The following RETREG1 variants were observed in gnomAD, a reference collection of about 807,000 sequenced individuals.
The protein encoded by RETREG1 is family with sequence similarity 134 member B.
Under a neutral mutation model 54.8 loss-of-function variants are expected in RETREG1, and 44 were observed. The ratio of observed to expected loss-of-function variants is 0.80; its 90% confidence interval spans 0.63 to 1.03. The LOEUF (loss-of-function observed/expected upper bound fraction) is 1.03. RETREG1 is among the 50% of genes least tolerant of loss of function. The pLI is 0.00. For missense variants in RETREG1, 554 were observed against 605.1 expected (o/e 0.92, Z 0.89); for synonymous variants, 217 against 238.5 (o/e 0.91, Z 0.83).
intron 1 of RETREG1, among the ~76,000 whole-genome samples, chr5:16,595,568 C>A (rs1742877828): frequency 6.6e-6 from 1 of 152,174 alleles, no homozygotes; most frequent in Non-Finnish European, 1.5e-5. Flanking sequence ...GCCAAAAATT[C>A]TTCCTATGAA....
intron 3 of RETREG1, among the ~76,000 whole-genome samples, chr5:16,506,192 G>A (rs1350470407): frequency 6.6e-6 from 1 of 152,176 alleles, no homozygotes; most frequent in Non-Finnish European, 1.5e-5. Flanking sequence ...GGCTTCCACT[G>A]ATTTTTTTAA....
chr5:16,562,189 C>G (rs1187747233), intron 3 of RETREG1, among the ~76,000 whole-genome samples: 1 of 152,162 alleles, frequency 6.6e-6, no homozygotes, highest in East Asian at 1.9e-4. Context: ...GTGGCACATG[C>G]TTATAATCCC....
intron 3 of RETREG1, among the ~76,000 whole-genome samples, chr5:16,498,467 C>A (rs558425269): frequency 7.9e-5 from 12 of 152,322 alleles, no homozygotes; most frequent in Admixed American, 1.3e-4. Flanking sequence ...AATCCCAATA[C>A]TTTGGGAAGT....
chr5:16,594,656 C>T lies in RETREG1; in HGVS notation c.320+21996G>A, dbSNP rs1742851758. On this transcript the variant is annotated intron_variant, in intron 1 of 8. Coordinates refer to ENST00000306320, the MANE Select transcript of RETREG1 (RefSeq NM_001034850.3). This position sits in a 1 kb window ranked among gnomAD's most constrained non-coding sequence, Gnocchi z 4.4. ...AGGAAAATCGCTTGAATCCAGGAGG[C>T]GGAGACTGCAGTAAGCCAAGATTGC... Among the ~76,000 whole-genome samples the T allele has an allele frequency of 6.6e-6, 1 of 152,066 alleles. No homozygotes were observed. The highest frequency in any genetic ancestry group is 2.4e-5 in the African/African-American group (1 of 41,400).
chr5:16,515,478 A>G (rs1047662305), intron 3 of RETREG1, among the ~76,000 whole-genome samples: 59 of 152,254 alleles, frequency 3.9e-4, no homozygotes, highest in African/African-American at 1.3e-3. Flanking sequence ...TATACGTTTC[A>G]CATTATAGAA....
At chr5:16,577,688 T>C (rs1742365967) in intron 1 of RETREG1, among the ~76,000 whole-genome samples, 1 of 152,174 alleles carries the variant, frequency 6.6e-6, no homozygotes, top group African/African-American at 2.4e-5. Flanking sequence ...TCTTGAATTG[T>C]AGCTCTCCTA....
intron 1 of RETREG1, among the ~76,000 whole-genome samples, chr5:16,612,155 A>G (rs896241008): frequency 5.9e-5 from 9 of 152,176 alleles, no homozygotes; most frequent in Non-Finnish European, 1.2e-4. Context: ...CAACAGTGAC[A>G]GAAACAGATC....
At chr5:16,508,504 A>G in intron 3 of RETREG1, 2 of 1,357,896 alleles carry the variant, frequency 1.5e-6, no homozygotes, top group Non-Finnish European at 2.1e-6. Flanking sequence ...TAAATTAGTC[A>G]TAATATTTTT....
chr5:16,574,295 C>T (rs1742268853), intron 1 of RETREG1, among the ~76,000 whole-genome samples: 1 of 152,054 alleles, frequency 6.6e-6, no homozygotes. Context: ...CTGTGTCAAG[C>T]AGAATGCGCA....
chr5:16,594,108 C>CA lies in RETREG1; in HGVS notation c.321-22007dup, dbSNP rs1462717412. Among the ~76,000 whole-genome samples, 4 of 152,204 alleles carry CA rather than the reference C, an allele frequency of 2.6e-5. No homozygotes were observed. Among genetic ancestry groups the CA allele is most frequent in the African/African-American group, 9.7e-5 (4 of 41,448 alleles). Reference sequence around the variant, plus strand: ...TAAGATACAACTTGTCTGTACCAGGCAAAACCTACACACAGCAGAGATTTG... The same window carrying CA: ...TAAGATACAACTTGTCTGTACCAGGCAAAAACCTACACACAGCAGAGATTTG... On this transcript the variant is annotated intron_variant, in intron 1 of 8. Coordinates refer to ENST00000306320, the MANE Select transcript of RETREG1 (RefSeq NM_001034850.3). The surrounding 1 kb of genome is among the most constrained non-coding windows in gnomAD (Gnocchi z 4.4).
intron 3 of RETREG1, among the ~76,000 whole-genome samples, chr5:16,533,208 C>T (rs887762712): frequency 6.6e-6 from 1 of 152,128 alleles, no homozygotes; most frequent in Non-Finnish European, 1.5e-5. Flanking sequence ...CCACACCCAG[C>T]TAATTTTTTG....
At chr5:16,498,590 T>C (rs774162889) in intron 3 of RETREG1, among the ~76,000 whole-genome samples, 2 of 152,140 alleles carry the variant, frequency 1.3e-5, no homozygotes, top group Non-Finnish European at 2.9e-5. Context: ...TGCATGCCTG[T>C]AGTTGCAGCT....
At chr5:16,524,519 G>T (rs780053351) in intron 3 of RETREG1, among the ~76,000 whole-genome samples, 1 of 152,162 alleles carries the variant, frequency 6.6e-6, no homozygotes, top group Admixed American at 6.5e-5. Context: ...CCATGGCAAC[G>T]TCATACACAC....
intron 3 of RETREG1, among the ~76,000 whole-genome samples, chr5:16,550,409 C>A (rs2126615372): frequency 6.6e-6 from 1 of 152,296 alleles, no homozygotes; most frequent in African/African-American, 2.4e-5. Flanking sequence ...TCCCCAGCTG[C>A]CATTACAGCA....
intron 3 of RETREG1, among the ~76,000 whole-genome samples, chr5:16,485,495 T>C (rs1738980012): frequency 6.6e-6 from 1 of 152,190 alleles, no homozygotes; most frequent in African/African-American, 2.4e-5. Flanking sequence ...GAATGAATAG[T>C]ACTTTGTACA....
chr5:16,602,964 C>T (rs767025651), intron 1 of RETREG1, among the ~76,000 whole-genome samples: 4 of 152,104 alleles, frequency 2.6e-5, no homozygotes, highest in Admixed American at 6.5e-5. Context: ...GCCGAGATGG[C>T]GCCATCACAC....
chr5:16,482,419 A>G (rs958646777), intron 4 of RETREG1, among the ~76,000 whole-genome samples: 3 of 151,704 alleles, frequency 2.0e-5, no homozygotes, highest in African/African-American at 7.3e-5. Flanking sequence ...CATCAACAGC[A>G]CATCATGCCC....
chr5:16,518,793 A>T (rs998860599), intron 3 of RETREG1, among the ~76,000 whole-genome samples: 15 of 152,188 alleles, frequency 9.9e-5, no homozygotes, highest in African/African-American at 2.9e-4. Flanking sequence ...GGCTGAAAGA[A>T]TACAAGAAAG....
chr5:16,563,790 G>A (rs1183541837), intron 3 of RETREG1, among the ~76,000 whole-genome samples: 1 of 151,800 alleles, frequency 6.6e-6, no homozygotes, highest in Non-Finnish European at 1.5e-5. Flanking sequence ...TATCAATTAG[G>A]CCTAAAAATA....
Sources: gnomAD v4.1 joint callset for allele counts (sites outside exome capture counted in the v4.1 genomes callset) on GRCh38, gnomAD v4.1.1 for gene constraint, Gnocchi (gnomAD v3.1) non-coding constraint, MANE v1.5 for transcripts, NCBI Gene and HGNC (gene_info 2026-07-23, HGNC 2026-07-21) for gene names.